Variants in DPP10 observed in about 807,000 individuals in gnomAD.
The protein encoded by DPP10 is inactive dipeptidyl peptidase 10.
A neutral mutation model predicts 120.9 loss-of-function variants in DPP10; 33 were observed. That is an observed-to-expected ratio of 0.27 (90% CI 0.21 to 0.37). DPP10 has a LOEUF of 0.37. DPP10 is among the 10% of genes least tolerant of loss of function. The pLI, the probability that DPP10 is intolerant of heterozygous loss-of-function variation, is 1.00. For missense variants in DPP10, 816 were observed against 942.8 expected, an observed-to-expected ratio of 0.87 and a Z score of 1.76; for synonymous variants, 337 against 326.1, an observed-to-expected ratio of 1.03 and a Z score of -0.36.
intron 3 of DPP10, among the ~76,000 whole-genome samples, chr2:115,481,125 A>G (rs1385239974): frequency 6.6e-6 from 1 of 152,166 alleles, no homozygotes; most frequent in African/African-American, 2.4e-5. Flanking sequence ...GTATGAAAAT[A>G]TATGTTCAAA....
chr2:114,559,613 C>A (rs975956291), intron 1 of DPP10, among the ~76,000 whole-genome samples: 1 of 152,148 alleles, frequency 6.6e-6, no homozygotes, highest in Non-Finnish European at 1.5e-5. Flanking sequence ...AGCTCTCTCG[C>A]CATCCCTGTT....
At chr2:114,823,582 C>T (rs374216031) in intron 1 of DPP10, among the ~76,000 whole-genome samples, 2 of 152,166 alleles carry the variant, frequency 1.3e-5, no homozygotes, top group East Asian at 3.9e-4. Flanking sequence ...ATTAGAGCTG[C>T]GGAGTATATT....
chr2:115,769,452 T>G (rs2149816035), intron 13 of DPP10, among the ~76,000 whole-genome samples: 1 of 152,190 alleles, frequency 6.6e-6, no homozygotes, highest in East Asian at 1.9e-4. Context: ...AATTTAAAAC[T>G]TGTTCAGGGT....
At chr2:115,307,378 T>C (rs2061400529) in intron 1 of DPP10, among the ~76,000 whole-genome samples, 1 of 152,110 alleles carries the variant, frequency 6.6e-6, no homozygotes, top group South Asian at 2.1e-4. Context: ...CAGTTTATAA[T>C]TTTTTCTTGA....
intron 5 of DPP10, among the ~76,000 whole-genome samples, chr2:115,650,684 CAGCT>C (rs1312077909): frequency 6.6e-6 from 1 of 151,996 alleles, no homozygotes; most frequent in Non-Finnish European, 1.5e-5. Context: ...CTCCCAGACT[CAGCT>C]AGCCTCCATG....
At chr2:115,840,936 T>A in intron 25 of DPP10, 113 bp downstream of exon 25, 1 of 821,998 alleles carries the variant, frequency 1.2e-6, no homozygotes, top group Non-Finnish European at 1.8e-6. Flanking sequence ...TTTAATATGT[T>A]TTTTAGTTAC....
intron 1 of DPP10, among the ~76,000 whole-genome samples, chr2:115,281,933 TATTA>T (rs1181254881): frequency 1.3e-5 from 2 of 152,146 alleles, no homozygotes; most frequent in African/African-American, 2.4e-5. Context: ...TTAGTTTTAG[TATTA>T]ATTTTTACAT....
intron 1 of DPP10, among the ~76,000 whole-genome samples, chr2:115,289,684 A>G (rs1378156281): frequency 1.3e-5 from 2 of 152,104 alleles, no homozygotes; most frequent in Non-Finnish European, 2.9e-5. Context: ...GAGAACCCAG[A>G]CATAAAGCCA....
intron 4 of DPP10, among the ~76,000 whole-genome samples, chr2:115,507,968 C>G (rs113303717): frequency 0.01 from 1,580 of 152,092 alleles, 34 homozygotes; most frequent in African/African-American, 0.036. Context: ...TAATTACCTT[C>G]AACTTGTTGG....
intron 5 of DPP10, among the ~76,000 whole-genome samples, chr2:115,683,903 C>T (rs2090819753): frequency 6.6e-6 from 1 of 151,564 alleles, no homozygotes; most frequent in African/African-American, 2.4e-5. Flanking sequence ...GATCTTAGTT[C>T]CAATTCTAGT....
chr2:114,596,155 C>CTT (rs5833552), intron 1 of DPP10, among the ~76,000 whole-genome samples: 3 of 151,954 alleles, frequency 2.0e-5, no homozygotes, highest in South Asian at 2.1e-4. Context: ...AAATATGCAA[C>CTT]TTTTTTAGCT....
At chr2:115,453,036 A>G (rs1046441134) in intron 3 of DPP10, among the ~76,000 whole-genome samples, 3 of 151,746 alleles carry the variant, frequency 2.0e-5, no homozygotes, top group South Asian at 2.1e-4. Context: ...CAACTACTTA[A>G]TATGGTTTAT....
intron 1 of DPP10, among the ~76,000 whole-genome samples, chr2:114,961,033 C>CTTTTTTTTTTTTTTT (rs772146022): frequency 5.8e-5 from 3 of 52,028 alleles, no homozygotes; most frequent in African/African-American, 2.2e-4. Context: ...CTCTATACGC[C>CTTTTTTTTTTTTTTT]TTTTTTTTTT....
intron 1 of DPP10, among the ~76,000 whole-genome samples, chr2:115,066,355 T>C (rs1706837170): frequency 6.7e-6 from 1 of 148,348 alleles, no homozygotes; most frequent in Non-Finnish European, 1.5e-5. Context: ...CATTTATATT[T>C]CTTATTTATA....
intron 1 of DPP10, among the ~76,000 whole-genome samples, chr2:114,682,435 T>A (rs1350378191): frequency 5.3e-5 from 8 of 151,984 alleles, no homozygotes; most frequent in African/African-American, 1.9e-4. Flanking sequence ...TTTTTTCTTT[T>A]AAATGTAATA....
intron 1 of DPP10, among the ~76,000 whole-genome samples, chr2:114,692,960 T>G (rs1172470079): frequency 6.6e-6 from 1 of 151,972 alleles, no homozygotes; most frequent in Admixed American, 6.6e-5. Context: ...TTATTTTAAG[T>G]CTATGTGTGT....
At position 115,343,882 on chromosome 2, in the gene DPP10, C is replaced by T. The variant is rs2063573398; in HGVS notation, c.241C>T (p.Leu81Phe). ...AGACCTCTTTAGGAAAGACTTTGTG[C>T]TTCACGATCCAGAGGCTCGGTGGAT... Reference protein sequence around the residue: ...LEDLFRKDFVLHDPEARWIND... With the variant: ...LEDLFRKDFVFHDPEARWIND... The change falls in exon 3 of 26, where the codon CTT becomes TTT. Residue 81 changes from leucine (L) to phenylalanine (F), a missense_variant. Physicochemically the swap from Leu to Phe is conservative, Grantham distance 22 (BLOSUM62 0). Coordinates refer to ENST00000410059, the MANE Select transcript of DPP10 (RefSeq NM_020868.6). 3.1e-6 allele frequency: 5 copies of T among 1,611,830 alleles called. No homozygotes were observed. Among genetic ancestry groups the T allele is most frequent in the South Asian group, 2.2e-5 (2 of 90,674 alleles).
intron 1 of DPP10, among the ~76,000 whole-genome samples, chr2:115,261,379 T>C (rs2059243895): frequency 6.6e-6 from 1 of 152,152 alleles, no homozygotes; most frequent in African/African-American, 2.4e-5. Flanking sequence ...GTGAATGTTG[T>C]ATGGAACGCA....
At chr2:115,679,267 C>T (rs2090489522) in intron 5 of DPP10, among the ~76,000 whole-genome samples, 1 of 151,890 alleles carries the variant, frequency 6.6e-6, no homozygotes. Flanking sequence ...AATTGTAGTT[C>T]CCATAATCCC....
Sources: allele counts gnomAD v4.1 joint callset (sites outside exome capture counted in the v4.1 genomes callset), GRCh38; gene constraint gnomAD v4.1.1; transcripts MANE v1.5; gene names NCBI Gene and HGNC (gene_info 2026-07-23, HGNC 2026-07-21).